PROM1: variants seen among roughly 807,000 people sequenced by gnomAD.
The protein encoded by PROM1 is prominin 1.
Under a neutral mutation model 116.9 loss-of-function variants are expected in PROM1, and 105 were observed. That is an observed-to-expected ratio of 0.90 (90% CI 0.77 to 1.06). PROM1 has a LOEUF of 1.06. PROM1 is among the 50% of genes least tolerant of loss of function. The pLI is 0.00. For missense variants in PROM1, 1,122 were observed against 1,045.2 expected, an observed-to-expected ratio of 1.07 and a Z score of -1.01; for synonymous variants, 393 against 387.0, an observed-to-expected ratio of 1.02 and a Z score of -0.18.
intron 11 of PROM1, among the ~76,000 whole-genome samples, chr4:16,012,849 C>T (rs934970485): frequency 2.3e-5 from 3 of 128,812 alleles, no homozygotes; most frequent in Non-Finnish European, 3.1e-5. Flanking sequence ...CCAGCCTGAG[C>T]GACAGAGCGA....
chr4:16,029,900 G>C (rs1389763589), intron 5 of PROM1, among the ~76,000 whole-genome samples: 1 of 147,842 alleles, frequency 6.8e-6, no homozygotes, highest in Non-Finnish European at 1.5e-5. Flanking sequence ...CATTAAACAA[G>C]AGAGAGTCCA....
At chr4:16,069,738 T>C (rs1368669183) in intron 2 of PROM1, among the ~76,000 whole-genome samples, 1 of 152,202 alleles carries the variant, frequency 6.6e-6, no homozygotes, top group East Asian at 1.9e-4. Context: ...GGAAAAACTT[T>C]AGACAAATTA....
chr4:16,070,141 A>T (rs1019534914), intron 2 of PROM1, among the ~76,000 whole-genome samples: 1 of 152,108 alleles, frequency 6.6e-6, no homozygotes, highest in Non-Finnish European at 1.5e-5. Context: ...TTTTTTAACA[A>T]TTTCCCCCCT....
chr4:16,066,874 CT>C (rs1396313718), intron 2 of PROM1, among the ~76,000 whole-genome samples: 4 of 152,182 alleles, frequency 2.6e-5, no homozygotes, highest in African/African-American at 9.7e-5. Flanking sequence ...CTTCTGGTGT[CT>C]TTTGCCAGAT....
chr4:16,074,660 C>T (rs1478180998), intron 2 of PROM1, among the ~76,000 whole-genome samples: 1 of 152,180 alleles, frequency 6.6e-6, no homozygotes, highest in Non-Finnish European at 1.5e-5. Context: ...ATACTTCAAG[C>T]TGTTTTAATT....
In PROM1 at chr4:15,992,233, A is replaced by C; in HGVS notation, c.1911+15T>G. The C allele has an allele frequency of 6.2e-7, 1 of 1,612,872 alleles. No individual in the cohort carries two copies. Among genetic ancestry groups the C allele is most frequent in the Non-Finnish European group, 8.5e-7 (1 of 1,179,606 alleles). On this transcript the variant is annotated intron_variant, in intron 17 of 27. Coordinates refer to ENST00000447510, the MANE Select transcript of PROM1 (RefSeq NM_006017.3). ...ATTTCTCCTAAAGGATCAAGCATGA[A>C]CACATGCGCCATACCTGAGCCAAGT...
intron 1 of PROM1, chr4:16,082,734 T>C (rs928980452): frequency 1.3e-5 from 2 of 152,238 alleles, no homozygotes; most frequent in African/African-American, 2.4e-5. Flanking sequence ...GCGGCCCCTG[T>C]TGGGCACCGA....
At chr4:16,075,533 G>A (rs921854403) in intron 2 of PROM1, among the ~76,000 whole-genome samples, 154 bp downstream of exon 2, 1 of 152,176 alleles carries the variant, frequency 6.6e-6, no homozygotes, top group Non-Finnish European at 1.5e-5. Flanking sequence ...CCTGGTACAA[G>A]TCTTCTTAAC....
At chr4:16,004,832 T>TTTTTTCTTCCTTC (rs1203366908) in intron 13 of PROM1, among the ~76,000 whole-genome samples, 5 of 122,506 alleles carry the variant, frequency 4.1e-5, no homozygotes, top group Non-Finnish European at 8.6e-5. Context: ...TCTTTCTTTT[T>TTTTTTCTTCCTTC]CTTCCTTCCT....
rs557012557 is a variant in PROM1 at position 16,045,779 on chromosome 4, G to A, written c.221-6778C>T. 3.9e-5 allele frequency among the ~76,000 whole-genome samples: 6 copies of A among 152,212 alleles called. No individual in the cohort carries two copies. In the East Asian group the frequency reaches 9.6e-4, roughly 24 times the overall value. ...TATGAATTCCTGTATTCATAAAAGA[G>A]AATGCATGAAAAGGTACTTGCACTC... On this transcript the variant is annotated intron_variant, in intron 2 of 27. Coordinates refer to ENST00000447510, the MANE Select transcript of PROM1 (RefSeq NM_006017.3).
chr4:16,081,412 C>A (rs183797362), intron 1 of PROM1, among the ~76,000 whole-genome samples: 1,942 of 152,166 alleles, frequency 0.013, 13 homozygotes, highest in Middle Eastern at 0.024. Flanking sequence ...GACCTAAAAC[C>A]ATAAAAACCC....
At chr4:16,002,960 A>C (rs766184810) in intron 13 of PROM1, among the ~76,000 whole-genome samples, 1 of 152,226 alleles carries the variant, frequency 6.6e-6, no homozygotes, top group Non-Finnish European at 1.5e-5. Context: ...GAGTAAGATG[A>C]AAGAGCAAAA....
intron 11 of PROM1, among the ~76,000 whole-genome samples, chr4:16,011,561 A>G (rs1017189195): frequency 1.6e-4 from 25 of 152,210 alleles, no homozygotes; most frequent in African/African-American, 6.0e-4. Context: ...CACGCAGCAC[A>G]ATTTGCTGTG....
In PROM1 at chr4:15,993,863, C is replaced by T. The variant is rs902455191; in HGVS notation, c.1767+124G>A. On this transcript the variant is annotated intron_variant, in intron 16 of 27. Transcript: ENST00000447510. ...TACACAGCCATGTAAATATACCAAACATCACTTTTAAATAGTTAATTTTAT... is the reference window on the plus strand; with the variant it reads ...TACACAGCCATGTAAATATACCAAATATCACTTTTAAATAGTTAATTTTAT... 2.0e-6 allele frequency: 3 copies of T among 1,467,330 alleles called. No homozygotes were observed. In the African/African-American group the frequency reaches 4.3e-5, roughly 21 times the overall value. 90.9% of individuals were successfully genotyped at this position (1,467,330 alleles called of 1,614,324 possible).
intron 26 of PROM1, among the ~76,000 whole-genome samples, chr4:15,974,986 T>C (rs1335275334): frequency 1.3e-5 from 2 of 152,164 alleles, no homozygotes; most frequent in African/African-American, 4.8e-5. Context: ...GCCCAGTTGG[T>C]GTCATCAATG....
chr4:16,000,179 T>C (rs1490512627), intron 14 of PROM1, among the ~76,000 whole-genome samples: 1 of 152,228 alleles, frequency 6.6e-6, no homozygotes, highest in Non-Finnish European at 1.5e-5. Flanking sequence ...ATTTGGAAAC[T>C]ACTGCTGAGG....
chr4:16,035,724 A>G lies in PROM1; in HGVS notation c.303+11T>C. ...CCAAGAGCAACTTGAAATAGCAGACAAGGACTTTACCTTTAGACCTAAGAT... is the reference window on the plus strand; with the variant it reads ...CCAAGAGCAACTTGAAATAGCAGACGAGGACTTTACCTTTAGACCTAAGAT... On this transcript the variant is annotated intron_variant, in intron 4 of 27. Coordinates refer to ENST00000447510, the MANE Select transcript of PROM1 (RefSeq NM_006017.3). 1 of 1,611,084 alleles carries G rather than the reference A, an allele frequency of 6.2e-7. No homozygotes were observed. The highest frequency in any genetic ancestry group is 1.7e-5 in the Admixed American group (1 of 60,028).
intron 20 of PROM1, among the ~76,000 whole-genome samples, chr4:15,986,579 C>T (rs778534536): frequency 5.3e-5 from 8 of 152,138 alleles, no homozygotes; most frequent in African/African-American, 7.2e-5. Context: ...AGTTTCTGCC[C>T]TCGACTAACC....
At chr4:16,021,342 C>A (rs962754619) in intron 8 of PROM1, among the ~76,000 whole-genome samples, 1 of 152,180 alleles carries the variant, frequency 6.6e-6, no homozygotes, top group African/African-American at 2.4e-5. Flanking sequence ...AGGTATGCAT[C>A]AACCACAGTC....
Sources: allele counts gnomAD v4.1 joint callset (sites outside exome capture counted in the v4.1 genomes callset), GRCh38; gene constraint gnomAD v4.1.1; transcripts MANE v1.5; gene names NCBI Gene and HGNC (gene_info 2026-07-23, HGNC 2026-07-21).